Variants in SPAG16 observed in about 807,000 individuals in gnomAD.
SPAG16 encodes sperm-associated antigen 16 protein.
A neutral mutation model predicts 80.4 loss-of-function variants in SPAG16; 86 were observed. The observed-to-expected ratio is 1.07, with a 90% CI of 0.90 to 1.28. The LOEUF is 1.28. SPAG16 is among the 50% of genes most tolerant of loss of function. The pLI is 0.00. For missense variants in SPAG16, 870 were observed against 765.3 expected (o/e 1.14, Z -1.61); for synonymous variants, 294 against 265.9 (o/e 1.11, Z -1.03).
chr2:213,363,720 A>G (rs560496597), intron 7 of SPAG16, among the ~76,000 whole-genome samples: 29 of 152,196 alleles, frequency 1.9e-4, no homozygotes, highest in African/African-American at 6.3e-4. Context: ...ATAAATATAA[A>G]GATGATAGTT....
chr2:213,543,272 A>G (rs1042175390), intron 10 of SPAG16, among the ~76,000 whole-genome samples: 1 of 151,790 alleles, frequency 6.6e-6, no homozygotes, highest in Non-Finnish European at 1.5e-5. Context: ...TCTTTTGCCT[A>G]TTTCTCTATT....
intron 1 of SPAG16, among the ~76,000 whole-genome samples, chr2:213,289,141 TAAG>T (rs2062171602): frequency 6.6e-6 from 1 of 152,214 alleles, no homozygotes. Context: ...TCTGCATTGC[TAAG>T]AAGCTTCCTG....
intron 13 of SPAG16, among the ~76,000 whole-genome samples, chr2:214,099,430 T>G (rs1269301451): frequency 8.5e-5 from 13 of 152,110 alleles, no homozygotes; most frequent in Admixed American, 7.9e-4. Flanking sequence ...ACAAAGTACT[T>G]AGTAAAGTGT....
intron 13 of SPAG16, among the ~76,000 whole-genome samples, chr2:214,055,063 C>A (rs984276941): frequency 2.6e-5 from 4 of 152,066 alleles, no homozygotes; most frequent in Admixed American, 6.6e-5. Flanking sequence ...ATTTGGCAGG[C>A]TTTTAGCAGG....
chr2:213,648,937 G>A (rs2062925711), intron 10 of SPAG16, among the ~76,000 whole-genome samples: 1 of 151,956 alleles, frequency 6.6e-6, no homozygotes, highest in South Asian at 2.1e-4. Flanking sequence ...TAACCATGCG[G>A]CAAAAGCAGG....
chr2:213,334,987 A>G (rs1267937161), intron 5 of SPAG16, among the ~76,000 whole-genome samples: 1 of 152,196 alleles, frequency 6.6e-6, no homozygotes, highest in Non-Finnish European at 1.5e-5. Flanking sequence ...GCTTGAGGGG[A>G]TGGATGCTCT....
chr2:214,359,612 G>T (rs965853410), intron 15 of SPAG16, among the ~76,000 whole-genome samples: 3 of 151,702 alleles, frequency 2.0e-5, no homozygotes, highest in African/African-American at 7.3e-5. Context: ...GTCACTGCAG[G>T]GTTCTATTTA....
chr2:213,320,241 A>G, intron 5 of SPAG16, among the ~76,000 whole-genome samples: 2 of 151,962 alleles, frequency 1.3e-5, no homozygotes, highest in East Asian at 3.8e-4. Context: ...ACATACATTT[A>G]TATATGATAA....
At chr2:214,291,475 T>C (rs555478423) in intron 15 of SPAG16, among the ~76,000 whole-genome samples, 135 of 150,970 alleles carry the variant, frequency 8.9e-4, no homozygotes, top group African/African-American at 3.1e-3. Flanking sequence ...CCAGCTAATT[T>C]TTTGTATTTT....
chr2:213,338,795 A>C (rs1203138325), intron 5 of SPAG16, among the ~76,000 whole-genome samples: 2 of 152,186 alleles, frequency 1.3e-5, no homozygotes, highest in African/African-American at 4.8e-5. Context: ...TCTCACTTAT[A>C]AGTGGGAGCT....
intron 11 of SPAG16, among the ~76,000 whole-genome samples, chr2:213,864,056 T>C (rs2075589961): frequency 6.6e-6 from 1 of 152,090 alleles, no homozygotes; most frequent in South Asian, 2.1e-4. Flanking sequence ...TTTTGTAGAA[T>C]TAATAAAAAA....
intron 10 of SPAG16, among the ~76,000 whole-genome samples, chr2:213,702,696 A>G (rs542229116): frequency 1.7e-4 from 26 of 152,340 alleles, no homozygotes; most frequent in South Asian, 6.2e-4. Flanking sequence ...CTGAGACCTC[A>G]AAATGTTCCA....
chr2:213,455,757 G>A (rs1440988984), intron 9 of SPAG16, among the ~76,000 whole-genome samples: 1 of 152,184 alleles, frequency 6.6e-6, no homozygotes, highest in Admixed American at 6.5e-5. Context: ...AGGAGTCAAA[G>A]CTCAAGTGGT....
intron 10 of SPAG16, among the ~76,000 whole-genome samples, chr2:213,848,031 A>C (rs1319169164): frequency 6.6e-6 from 1 of 152,204 alleles, no homozygotes; most frequent in Non-Finnish European, 1.5e-5. Flanking sequence ...CAGGTGATTA[A>C]GCTGTGTGAT....
At chr2:213,604,750 A>T (rs1419059566) in intron 10 of SPAG16, among the ~76,000 whole-genome samples, 2 of 151,688 alleles carry the variant, frequency 1.3e-5, no homozygotes, top group Non-Finnish European at 2.9e-5. Flanking sequence ...TTCTAACTGC[A>T]TGGCTTTTCT....
rs529193142 is a variant in SPAG16, at chr2:214,132,864, G to A, written c.1594-16276G>A. Among the ~76,000 whole-genome samples the A allele has an allele frequency of 2.2e-4, 34 of 152,112 alleles. No homozygotes were observed. The East Asian group carries it at 2.9e-3, about 13-fold the overall frequency. Reference sequence around the variant, plus strand: ...TCCTAGCACTTTGGGAGGCCTAGGCGGGCGGATCACCTGAGGTCGCGAGTT... The same window carrying A: ...TCCTAGCACTTTGGGAGGCCTAGGCAGGCGGATCACCTGAGGTCGCGAGTT... On this transcript the variant is annotated intron_variant, in intron 14 of 15. Transcript: ENST00000331683.
intron 15 of SPAG16, among the ~76,000 whole-genome samples, chr2:214,312,448 C>T (rs762409226): frequency 1.1e-4 from 16 of 152,144 alleles, no homozygotes; most frequent in Non-Finnish European, 2.2e-4. Flanking sequence ...GGTAAATTTG[C>T]TCATATTCTC....
At chr2:213,522,731 C>G (rs1165157137) in intron 10 of SPAG16, among the ~76,000 whole-genome samples, 4 of 151,742 alleles carry the variant, frequency 2.6e-5, no homozygotes, top group Non-Finnish European at 5.9e-5. Context: ...AATTTCAGGA[C>G]TTAGTTTGAG....
At chr2:213,841,562 T>C (rs1035720039) in intron 10 of SPAG16, among the ~76,000 whole-genome samples, 1 of 152,192 alleles carries the variant, frequency 6.6e-6, no homozygotes, top group Admixed American at 6.5e-5. Flanking sequence ...TTCATGCTTA[T>C]AATTTTGACT....
Sources: gnomAD v4.1 joint callset for allele counts (sites outside exome capture counted in the v4.1 genomes callset) on GRCh38, gnomAD v4.1.1 for gene constraint, MANE v1.5 for transcripts, NCBI Gene and HGNC (gene_info 2026-07-23, HGNC 2026-07-21) for gene names.